The following AASDH variants were observed in gnomAD, a reference collection of about 807,000 sequenced individuals.
The protein encoded by AASDH is beta-alanine-activating enzyme.
AASDH carries 81 observed loss-of-function variants against 102.3 expected under a neutral mutation model. That is an observed-to-expected ratio of 0.79 (90% confidence interval 0.66 to 0.95). The LOEUF (loss-of-function observed/expected upper bound fraction) is 0.95. Among genes scored for constraint, AASDH ranks in the 40% least tolerant of loss-of-function variants. The probability of loss-of-function intolerance (pLI) is 0.00; values close to 1 mark genes in which losing one functional copy is unlikely to be tolerated. For missense variants in AASDH, 1,203 were observed against 1,266.2 expected (o/e 0.95, Z 0.76); for synonymous variants, 398 against 454.0 (o/e 0.88, Z 1.57).
intron 5 of AASDH, among the ~76,000 whole-genome samples, chr4:56,369,944 TA>T (rs56400257): frequency 0.088 from 11,676 of 133,146 alleles, 560 homozygotes; most frequent in East Asian, 0.26. Flanking sequence ...CTGTCTCAAT[TA>T]AAAAAAAAAA....
At chr4:56,357,024 A>C (rs1419671862) in intron 5 of AASDH, 1 of 355,464 alleles carries the variant, frequency 2.8e-6, no homozygotes, top group Non-Finnish European at 5.2e-6. Flanking sequence ...TAATGAATAA[A>C]GATTTATAAC....
At chr4:56,359,419 G>A (rs1750032166) in intron 5 of AASDH, among the ~76,000 whole-genome samples, 2 of 150,388 alleles carry the variant, frequency 1.3e-5, no homozygotes, top group Non-Finnish European at 1.5e-5. Flanking sequence ...GCCACCATGT[G>A]TGGCTAATTT....
At chr4:56,361,485 G>C (rs1215502911) in intron 5 of AASDH, among the ~76,000 whole-genome samples, 1 of 152,052 alleles carries the variant, frequency 6.6e-6, no homozygotes, top group Non-Finnish European at 1.5e-5. Context: ...AAATTGAGGG[G>C]CAGAATACAA....
intron 9 of AASDH, 141 bp from the exon 10 acceptor site, chr4:56,351,598 T>C: frequency 3.5e-6 from 2 of 567,006 alleles, no homozygotes; most frequent in Non-Finnish European, 6.2e-6. Flanking sequence ...CAATCAATTC[T>C]AAAAAGTTGT....
chr4:56,386,335 T>C (rs1753550084), intron 1 of AASDH, among the ~76,000 whole-genome samples: 1 of 152,160 alleles, frequency 6.6e-6, no homozygotes, highest in African/African-American at 2.4e-5. Context: ...ATCTATACGA[T>C]AATTAAGATG....
At chr4:56,362,259 T>G (rs569927811) in intron 5 of AASDH, among the ~76,000 whole-genome samples, 29 of 152,186 alleles carry the variant, frequency 1.9e-4, no homozygotes, top group Admixed American at 4.6e-4. Flanking sequence ...ACAGCTTTTT[T>G]TTTCTTTGTT....
intron 5 of AASDH, among the ~76,000 whole-genome samples, chr4:56,357,848 A>G (rs1264704073): frequency 6.6e-6 from 1 of 151,704 alleles, no homozygotes; most frequent in Non-Finnish European, 1.5e-5. Context: ...ACTGTTCCAT[A>G]TAACATTTAG....
intron 5 of AASDH, among the ~76,000 whole-genome samples, chr4:56,361,328 G>A (rs1057215038): frequency 3.3e-5 from 5 of 152,080 alleles, no homozygotes; most frequent in Non-Finnish European, 7.4e-5. Context: ...AGAATCACTT[G>A]AACCCAGGAG....
rs1438201765 is a variant in AASDH, at chr4:56,354,783, G to A, written c.1132C>T (p.Pro378Ser). Residue 378 changes from proline (P) to serine (S), a missense_variant, in exon 7 of 15, where the codon CCA becomes TCA. By Grantham distance (74) the Pro-to-Ser change is moderately conservative. Transcript: ENST00000205214. ...KCELPVQLGF[P>S]LLGTVVEVRD... Reference sequence around the variant, plus strand: ...ACTTCAACTACTGTTCCAAGAAGTGGAAATCCCAGTTGTACAGGCAATTCA... The same window carrying A: ...ACTTCAACTACTGTTCCAAGAAGTGAAAATCCCAGTTGTACAGGCAATTCA... 6.2e-7 allele frequency: 1 copy of A among 1,609,858 alleles called. No individual in the cohort carries two copies. Among genetic ancestry groups the A allele is most frequent in the Admixed American group, 1.7e-5 (1 of 59,310 alleles).
intron 7 of AASDH, 92 bp from the exon 8 acceptor site, chr4:56,354,303 A>C (rs1393147832): frequency 2.6e-6 from 3 of 1,155,154 alleles, no homozygotes; most frequent in Non-Finnish European, 3.5e-6. Flanking sequence ...CAGTGACTAA[A>C]CTTCAAAATT....
Position 56,378,042 on chromosome 4 carries a change from G to A in AASDH, c.668+106C>T, listed in dbSNP as rs899141589. ...GCTGATCTTGAACTCCTGACCTCAA[G>A]TGATCCACCCGCCTCAGCCTCCCAA... On this transcript the variant is annotated intron_variant, in intron 4 of 14. Coordinates refer to ENST00000205214, the MANE Select transcript of AASDH (RefSeq NM_181806.4). 13 of 1,112,056 alleles carry A rather than the reference G, an allele frequency of 1.2e-5. No homozygotes were observed. The African/African-American group carries it at 1.7e-4, about 15-fold the overall frequency. The allele number at this position is 1,112,056 out of a possible 1,614,324, so 68.9% of individuals were successfully genotyped here.
chr4:56,366,129 A>C (rs979328320), intron 5 of AASDH, among the ~76,000 whole-genome samples: 1 of 152,254 alleles, frequency 6.6e-6, no homozygotes, highest in African/African-American at 2.4e-5. Flanking sequence ...GAAGAAATGG[A>C]TAAGTTCCTC....
intron 4 of AASDH, among the ~76,000 whole-genome samples, chr4:56,375,717 C>T (rs577446965): frequency 1.3e-5 from 2 of 152,216 alleles, no homozygotes; most frequent in Non-Finnish European, 2.9e-5. Flanking sequence ...ACATCCCCAT[C>T]CCCACCTCAC....
rs747919163 is a variant in AASDH at position 56,359,567 on chromosome 4, C to CT, written c.862-4145dup. Among the ~76,000 whole-genome samples, 168 of 133,072 alleles carry CT rather than the reference C, an allele frequency of 1.3e-3. 2 individuals carry two copies. The East Asian group carries it at 0.03, about 24-fold the overall frequency. 87.3% of individuals were successfully genotyped at this position (133,072 alleles called of 152,430 possible). On this transcript the variant is annotated intron_variant, in intron 5 of 14. Transcript: ENST00000205214. ...ACCTCACCGTGCCCGGCCTTATGTT[C>CT]TTTTTTTTTGAGACAGAGTCTCACT...
At chr4:56,369,013 C>T (rs1751378529) in intron 5 of AASDH, among the ~76,000 whole-genome samples, 1 of 152,088 alleles carries the variant, frequency 6.6e-6, no homozygotes, top group Non-Finnish European at 1.5e-5. Flanking sequence ...AGCTTCTATA[C>T]CTCTCCTCCT....
intron 4 of AASDH, among the ~76,000 whole-genome samples, chr4:56,377,761 C>T (rs953162011): frequency 6.6e-6 from 1 of 152,088 alleles, no homozygotes; most frequent in African/African-American, 2.4e-5. Flanking sequence ...AGTTATAAAA[C>T]CAAACGTTTT....
chr4:56,367,724 G>C (rs972415877), intron 5 of AASDH, among the ~76,000 whole-genome samples: 2 of 147,640 alleles, frequency 1.4e-5, no homozygotes, highest in Admixed American at 6.9e-5. Context: ...AATTCAAGAT[G>C]GATTAAAGAC....
intron 5 of AASDH, among the ~76,000 whole-genome samples, chr4:56,362,472 C>T (rs1750424341): frequency 2.0e-5 from 3 of 152,140 alleles, no homozygotes; most frequent in Non-Finnish European, 2.9e-5. Flanking sequence ...GCCATGTTAG[C>T]CAGGCTGGTC....
At position 56,343,616 on chromosome 4, in the gene AASDH, A is replaced by C. The variant is rs79460376; in HGVS notation, c.2721T>G (p.Ile907Met). ...ATGTAGCAAAATACAAATGATGTGG[A>C]ATCAGGTTCAAACACGGAGAGGAAA... ...TVFSSPCLNLIPHHLYFATLG... is the reference protein window; with the variant it reads ...TVFSSPCLNLMPHHLYFATLG... The change falls in exon 13 of 15, where the codon ATT becomes ATG. Residue 907 changes from isoleucine to methionine, a missense_variant. Transcript: ENST00000205214. 3 of 1,611,128 alleles carry C rather than the reference A, an allele frequency of 1.9e-6. No individual in the cohort carries two copies. The highest frequency in any genetic ancestry group is 2.5e-6 in the Non-Finnish European group (3 of 1,178,336).
Sources: gnomAD v4.1 joint callset for allele counts (sites outside exome capture counted in the v4.1 genomes callset) on GRCh38, gnomAD v4.1.1 for gene constraint, MANE v1.5 for transcripts, NCBI Gene and HGNC (gene_info 2026-07-23, HGNC 2026-07-21) for gene names.